The following KCNIP2 variants were observed in gnomAD, a reference collection of about 807,000 sequenced individuals.
The protein encoded by KCNIP2 is potassium voltage-gated channel interacting protein 2, also known as A-type potassium channel modulatory protein KCNIP2.
Under a neutral mutation model 39.0 loss-of-function variants are expected in KCNIP2, and 19 were observed. The ratio of observed to expected loss-of-function variants is 0.49; its 90% CI spans 0.34 to 0.71. KCNIP2 has a LOEUF of 0.71. KCNIP2 is among the 30% of genes least tolerant of loss of function. KCNIP2 has a pLI of 0.01. For synonymous variants in KCNIP2, 111 were observed against 131.2 expected (o/e 0.85, Z 1.05); for missense variants, 261 against 346.0 (o/e 0.75, Z 1.95).
rs144960412 is a variant in KCNIP2, at chr10:101,827,924, C to T, written c.667G>A (p.Glu223Lys). The change falls in exon 8 of 10, where the codon GAG (glutamate) becomes AAG (lysine). Residue 223 changes from glutamate to lysine, a missense_variant. Physicochemically the swap from Glu to Lys is moderately conservative, Grantham distance 56. Coordinates refer to ENST00000356640, the MANE Select transcript of KCNIP2 (RefSeq NM_173191.3). ...GKYTYPALRE[E>K]APREHVESFF... is the part of the protein sequence containing the mutation. ...CTCTCCACGTGTTCCCTTGGGGCCTCCTCCCGGAGTGCAGGGTACGTGTAC... is the reference window on the plus strand; with the variant it reads ...CTCTCCACGTGTTCCCTTGGGGCCTTCTCCCGGAGTGCAGGGTACGTGTAC... The T allele has an allele frequency of 1.2e-5, 20 of 1,613,962 alleles. No individual in the cohort carries two copies. Among genetic ancestry groups the T allele is most frequent in the Non-Finnish European group, 1.7e-5 (20 of 1,179,970 alleles).
intron 2 of KCNIP2, chr10:101,830,452 G>A (rs1320634292): frequency 2.9e-5 from 37 of 1,287,780 alleles, no homozygotes; most frequent in Non-Finnish European, 3.7e-5. Flanking sequence ...GACCCTCACG[G>A]CCGCCTGGTC....
chr10:101,836,300 CAG>C (rs2066159997), intron 1 of KCNIP2, among the ~76,000 whole-genome samples: 1 of 123,610 alleles, frequency 8.1e-6, no homozygotes, highest in African/African-American at 3.0e-5. Flanking sequence ...TTTTTTGAGA[CAG>C]AGTCTCGTTC....
intron 1 of KCNIP2, among the ~76,000 whole-genome samples, chr10:101,833,782 C>T (rs2066064591): frequency 6.6e-6 from 1 of 152,084 alleles, no homozygotes; most frequent in Non-Finnish European, 1.5e-5. Flanking sequence ...CACACTATGC[C>T]CACACACCCC....
At chr10:101,831,036 G>A (rs749194024) in intron 2 of KCNIP2, 36 bp downstream of exon 2, 3 of 1,567,534 alleles carry the variant, frequency 1.9e-6, no homozygotes, top group Non-Finnish European at 2.6e-6. Flanking sequence ...CGCACACATC[G>A]AGCCCCGCCC....
Position 101,827,869 on chromosome 10 carries a change from G to T in KCNIP2, c.702+20C>A. On this transcript the variant is annotated intron_variant, in intron 8 of 9. Coordinates refer to ENST00000356640, the MANE Select transcript of KCNIP2 (RefSeq NM_173191.3). ...CTTCCCTTCACTCCAGGGCCCTCCA[G>T]CCTACCCACTCCCAAGTACCTGGAA... is the stretch of plus-strand genomic sequence containing the variant. 1 of 1,595,698 alleles carries T rather than the reference G, an allele frequency of 6.3e-7. No individual in the cohort carries two copies. Among genetic ancestry groups the T allele is most frequent in the Non-Finnish European group, 8.6e-7 (1 of 1,163,158 alleles).
chr10:101,833,391 G>A (rs2066054283), intron 1 of KCNIP2, among the ~76,000 whole-genome samples: 1 of 152,088 alleles, frequency 6.6e-6, no homozygotes, highest in South Asian at 2.1e-4. Context: ...GATCCTGATA[G>A]GAGCTTGGAG....
rs2066089512 is a variant in KCNIP2, at chr10:101,834,536, C to A, written c.74-3369G>T. Among the ~76,000 whole-genome samples the A allele has an allele frequency of 3.3e-5, 5 of 152,342 alleles. No individual in the cohort carries two copies. In the South Asian group the frequency reaches 1.0e-3, roughly 32 times the overall value. ...CCTCTCCCCCATCACCCCGCCTCTG[C>A]CCCACAAGCCTCCCAACCACAGCCG... On this transcript the variant is annotated intron_variant, in intron 1 of 9. Transcript: ENST00000356640.
rs1564661202 is a variant in KCNIP2, at chr10:101,828,499, G to A, written c.419-40C>T. The stretch of plus-strand genomic sequence containing the variant: ...TGGAGAAGTTGGCTTCCACACAGGA[G>A]AGGACTTCCTCCCTCTAAGGAGCTC... On this transcript the variant is annotated intron_variant, in intron 5 of 9. Coordinates refer to ENST00000356640, the MANE Select transcript of KCNIP2 (RefSeq NM_173191.3). This position sits in a 1 kb window ranked among gnomAD's most constrained non-coding sequence, Gnocchi z 6.6. The A allele has an allele frequency of 6.2e-7, 1 of 1,609,654 alleles. No individual in the cohort carries two copies. The highest frequency in any genetic ancestry group is 1.1e-5 in the South Asian group (1 of 90,760).
rs2135223568 is a variant in KCNIP2, at chr10:101,843,487, C to G, written c.73+9G>C. 2 of 1,551,170 alleles carry G rather than the reference C, an allele frequency of 1.3e-6. No individual in the cohort carries two copies. Among genetic ancestry groups the G allele is most frequent in the East Asian group, 4.9e-5 (2 of 40,460 alleles). ...CCTCCCTCCCGCGACCCCCACGTCA[C>G]TGACTCACCCGTGAGCTGGTCGTAG... On this transcript the variant is annotated intron_variant, in intron 1 of 9. Coordinates refer to ENST00000356640, the MANE Select transcript of KCNIP2 (RefSeq NM_173191.3). This position sits in a 1 kb window ranked among gnomAD's most constrained non-coding sequence, Gnocchi z 6.7.
Position 101,843,421 on chromosome 10 carries a change from G to A in KCNIP2, c.73+75C>T. 1 of 987,432 alleles carries A rather than the reference G, an allele frequency of 1.0e-6. No homozygotes were observed. Among genetic ancestry groups the A allele is most frequent in the Non-Finnish European group, 1.4e-6 (1 of 709,538 alleles). The allele number at this position is 987,432 out of a possible 1,614,324, so 61.2% of individuals were successfully genotyped here. A position where few individuals can be genotyped will look rare whatever the true frequency, so the allele number is the denominator to read the frequency against. On this transcript the variant is annotated intron_variant, in intron 1 of 9. Coordinates refer to ENST00000356640, the MANE Select transcript of KCNIP2 (RefSeq NM_173191.3). This position sits in a 1 kb window ranked among gnomAD's most constrained non-coding sequence, Gnocchi z 6.7. Reference sequence around the variant, plus strand: ...GCAGAGTGTGGGTGCGGGCCAGGCCGGGGTCGGAGAGGCGGAAGGGTCTGG... The same window carrying A: ...GCAGAGTGTGGGTGCGGGCCAGGCCAGGGTCGGAGAGGCGGAAGGGTCTGG...
At chr10:101,830,367 C>T in intron 2 of KCNIP2, 1 of 1,272,984 alleles carries the variant, frequency 7.9e-7, no homozygotes, top group South Asian at 1.3e-5. Context: ...CAACACACAT[C>T]AGGGGTCCAA....
Position 101,827,277 on chromosome 10 carries a change from A to G in KCNIP2, c.*76T>C, listed in dbSNP as rs183048405. ...GCGTAGGATGAGGATAGACCTGGGAAGAGAAGGGTGAGGTCCGCCTGGACT... is the reference window on the plus strand; with the variant it reads ...GCGTAGGATGAGGATAGACCTGGGAGGAGAAGGGTGAGGTCCGCCTGGACT... On this transcript the variant is annotated 3_prime_UTR_variant, in exon 10 of 10. Coordinates refer to ENST00000356640, the MANE Select transcript of KCNIP2 (RefSeq NM_173191.3). 9.8e-4 allele frequency: 1,475 copies of G among 1,502,992 alleles called. 1 individual carries two copies. Among genetic ancestry groups the G allele is most frequent in the Non-Finnish European group, 1.3e-3 (1,437 of 1,121,658 alleles). 93.1% of individuals were successfully genotyped at this position (1,502,992 alleles called of 1,614,324 possible). A position where few individuals can be genotyped will look rare whatever the true frequency, so the allele number is the denominator to read the frequency against.
rs2065805757 is a variant in KCNIP2, at chr10:101,828,053, T to C, written c.598-60A>G. ...GAGCCTCCAGCCTCCCTTGATCCCT[T>C]GCTTGTGGGCATATGTGGGTCATAT... On this transcript the variant is annotated intron_variant, in intron 7 of 9. Transcript: ENST00000356640. This position sits in a 1 kb window ranked among gnomAD's most constrained non-coding sequence, Gnocchi z 6.6. 4 of 1,559,848 alleles carry C rather than the reference T, an allele frequency of 2.6e-6. No individual in the cohort carries two copies. The highest frequency in any genetic ancestry group is 2.7e-6 in the Non-Finnish European group (3 of 1,130,716).
At chr10:101,829,581 G>T (rs558287378) in intron 3 of KCNIP2, 239 of 479,932 alleles carry the variant, frequency 5.0e-4, no homozygotes, top group Middle Eastern at 4.7e-3. Context: ...GACCAACTCA[G>T]ATCCGCCCAG....
Position 101,831,136 on chromosome 10 carries a change from C to T in KCNIP2, c.105G>A (p.Leu35=), listed in dbSNP as rs1413551205. 1 of 1,611,828 alleles carries T rather than the reference C, an allele frequency of 6.2e-7. No individual in the cohort carries two copies. Among genetic ancestry groups the T allele is most frequent in the Non-Finnish European group, 8.5e-7 (1 of 1,179,180 alleles). The change falls in exon 2 of 10, where the codon CTG becomes CTA. Residue 35 remains leucine, a synonymous_variant. Transcript: ENST00000356640. ...GHPPGPTKKA[L]KQRFLKLLPC... ...GCAGCAGCTTGAGGAATCGCTGCTTCAGCGCTTTTTTAGTGGGCCCTGGAG... is the reference window on the plus strand; with the variant it reads ...GCAGCAGCTTGAGGAATCGCTGCTTTAGCGCTTTTTTAGTGGGCCCTGGAG...
chr10:101,843,529 G>C lies in KCNIP2; in HGVS notation c.40C>G (p.Arg14Gly). 2 of 1,581,756 alleles carry C rather than the reference G, an allele frequency of 1.3e-6. No homozygotes were observed. Among genetic ancestry groups the C allele is most frequent in the Non-Finnish European group, 1.7e-6 (2 of 1,165,594 alleles). The change falls in exon 1 of 10, where the codon CGA (arginine) becomes GGA (glycine). Residue 14 changes from arginine to glycine, a missense_variant. Physicochemically the swap from Arg to Gly is moderately radical, Grantham distance 125. Transcript: ENST00000356640. This position sits in a 1 kb window ranked among gnomAD's most constrained non-coding sequence, Gnocchi z 6.7. ...QGRKESLSDS[R>G]DLDGSYDQLT... ...TGGTCGTAGGAGCCGTCCAGGTCTC[G>C]GGAATCGGACAAACTCTCCTTGCGG...
At chr10:101,842,551 A>C (rs1240152015) in intron 1 of KCNIP2, among the ~76,000 whole-genome samples, 1 of 152,202 alleles carries the variant, frequency 6.6e-6, no homozygotes, top group Non-Finnish European at 1.5e-5. Flanking sequence ...TAATCTCAGT[A>C]CATGATTTGG....
rs2305190 is a variant in KCNIP2, at chr10:101,827,124, G to A, written c.*229C>T. 1.9e-6 allele frequency: 2 copies of A among 1,059,662 alleles called. No individual in the cohort carries two copies. Among genetic ancestry groups the A allele is most frequent in the South Asian group, 3.8e-5 (1 of 26,236 alleles). The allele number at this position is 1,059,662 out of a possible 1,614,324, so 65.6% of individuals were successfully genotyped here. A position where few individuals can be genotyped will look rare whatever the true frequency, so the allele number is the denominator to read the frequency against. ...TCAACACTGGGTGTCAGGCAGGAAG[G>A]GGGTGAGAGCTGGTGGGAGTTGGGA... On this transcript the variant is annotated 3_prime_UTR_variant, in exon 10 of 10. Coordinates refer to ENST00000356640, the MANE Select transcript of KCNIP2 (RefSeq NM_173191.3).
intron 1 of KCNIP2, among the ~76,000 whole-genome samples, chr10:101,841,120 A>T (rs746608040): frequency 1.3e-5 from 2 of 152,082 alleles, no homozygotes; most frequent in South Asian, 4.1e-4. Flanking sequence ...TTGTTTTCCT[A>T]AAGAGTCTCT....
Sources: allele counts gnomAD v4.1 joint callset (sites outside exome capture counted in the v4.1 genomes callset), GRCh38; gene constraint gnomAD v4.1.1; non-coding constraint Gnocchi (gnomAD v3.1); transcripts MANE v1.5; gene names NCBI Gene and HGNC (gene_info 2026-07-23, HGNC 2026-07-21).